The following RAP1GAP2 variants were observed in gnomAD, a reference collection of about 807,000 sequenced individuals.
RAP1GAP2 encodes the protein rap1 GTPase-activating protein 2.
RAP1GAP2 carries 27 observed loss-of-function variants against 95.0 expected under a neutral mutation model. The observed-to-expected ratio is 0.28, with a 90% CI of 0.21 to 0.39. RAP1GAP2 has a LOEUF of 0.39. Ranked by LOEUF, RAP1GAP2 falls within the 10% of genes least tolerant of loss-of-function variation. The pLI is 1.00. For missense variants in RAP1GAP2, 771 were observed against 970.0 expected (o/e 0.79, Z 2.72); for synonymous variants, 373 against 380.9 (o/e 0.98, Z 0.24).
intron 2 of RAP1GAP2, among the ~76,000 whole-genome samples, chr17:2,890,835 C>T (rs192667589): frequency 3.4e-3 from 521 of 152,138 alleles, no homozygotes; most frequent in Middle Eastern, 0.017. Flanking sequence ...CAGGCGCCCG[C>T]CACCACGCCC....
chr17:2,824,697 G>T (rs1204427777), intron 2 of RAP1GAP2, among the ~76,000 whole-genome samples: 2 of 142,342 alleles, frequency 1.4e-5, no homozygotes, highest in African/African-American at 2.6e-5. Context: ...CCGAGATTGC[G>T]CCATTGCACT....
chr17:2,856,793 T>C (rs578146594), intron 2 of RAP1GAP2, among the ~76,000 whole-genome samples: 6 of 152,330 alleles, frequency 3.9e-5, no homozygotes, highest in Non-Finnish European at 7.4e-5. Context: ...ATTGGTGGCC[T>C]TCCTAGCCCC....
intron 2 of RAP1GAP2, among the ~76,000 whole-genome samples, chr17:2,811,656 C>A (rs1281336218): frequency 6.6e-6 from 1 of 152,226 alleles, no homozygotes; most frequent in Non-Finnish European, 1.5e-5. Context: ...TGGTGCATTG[C>A]AACCTCTGCC....
chr17:2,866,725 G>A lies in RAP1GAP2; in HGVS notation c.81-38559G>A, dbSNP rs190544991. ...AGCGATTCTCCTGTCTCAGCCTCCC[G>A]AGTAGCTGGGATTACAGGTGTCCGC... On this transcript the variant is annotated intron_variant, in intron 2 of 24. Coordinates refer to ENST00000254695, the MANE Select transcript of RAP1GAP2 (RefSeq NM_015085.5). The surrounding 1 kb of genome is among the most constrained non-coding windows in gnomAD (Gnocchi z 4.0). 0.02 allele frequency among the ~76,000 whole-genome samples: 2,934 copies of A among 149,108 alleles called. 57 individuals are homozygous for A. The highest frequency in any genetic ancestry group is 0.028 in the Non-Finnish European group (1,917 of 67,420).
chr17:2,772,557 G>C (rs1329253384), upstream of RAP1GAP2, among the ~76,000 whole-genome samples: 1 of 152,032 alleles, frequency 6.6e-6, no homozygotes, highest in African/African-American at 2.4e-5. Context: ...TGCCTCCCAA[G>C]GTGCTGAGAT....
intron 3 of RAP1GAP2, among the ~76,000 whole-genome samples, chr17:2,914,796 T>C (rs545814516): frequency 1.6e-5 from 2 of 127,764 alleles, no homozygotes; most frequent in African/African-American, 3.2e-5. Flanking sequence ...GGCCACTTCT[T>C]TTTTTTTTTT....
At chr17:2,980,228 T>C (rs940960811) in intron 8 of RAP1GAP2, 59 bp from the exon 9 acceptor site, 108 of 1,545,810 alleles carry the variant, frequency 7.0e-5, no homozygotes, top group Non-Finnish European at 8.9e-5. Flanking sequence ...CAGGCACGAG[T>C]CCCCGCGCCC....
At position 3,005,312 on chromosome 17, in the gene RAP1GAP2, T is replaced by C. The variant is rs377411335; in HGVS notation, c.1201-57T>C. On this transcript the variant is annotated intron_variant, in intron 14 of 24. Coordinates refer to ENST00000254695, the MANE Select transcript of RAP1GAP2 (RefSeq NM_015085.5). The surrounding 1 kb of genome is among the most constrained non-coding windows in gnomAD (Gnocchi z 5.2). ...AGCTTTGTAAGGAGCGTGGCTCCCG[T>C]AGGGGCAGCGCTCGTCTCTTCCCTC... 114 of 1,524,344 alleles carry C rather than the reference T, an allele frequency of 7.5e-5. No homozygotes were observed. The African/African-American group carries it at 1.5e-3, about 19-fold the overall frequency. 94.4% of individuals were successfully genotyped at this position (1,524,344 alleles called of 1,614,324 possible). A position where few individuals can be genotyped will look rare whatever the true frequency, so the allele number is the denominator to read the frequency against.
Position 2,889,078 on chromosome 17 carries a change from T to C in RAP1GAP2, c.81-16206T>C, listed in dbSNP as rs117476468. On this transcript the variant is annotated intron_variant, in intron 2 of 24. Coordinates refer to ENST00000254695, the MANE Select transcript of RAP1GAP2 (RefSeq NM_015085.5). ...ATGGCTCTTCAACAGGCTGACTGCCTTTCCCTCAGATATGTACCCTGCAGT... is the reference window on the plus strand; with the variant it reads ...ATGGCTCTTCAACAGGCTGACTGCCCTTCCCTCAGATATGTACCCTGCAGT... Among the ~76,000 whole-genome samples the C allele has an allele frequency of 8.9e-3, 1,357 of 152,272 alleles. 16 individuals are homozygous for C. The highest frequency in any genetic ancestry group is 0.014 in the Non-Finnish European group (944 of 68,022).
At chr17:2,781,961 T>C (rs1355291305) in intron 1 of RAP1GAP2, among the ~76,000 whole-genome samples, 1 of 152,252 alleles carries the variant, frequency 6.6e-6, no homozygotes, top group Non-Finnish European at 1.5e-5. Context: ...TGCATGTCTC[T>C]GTGTGTGCAC....
chr17:2,767,310 T>A (rs2068294164), intron 1 of RAP1GAP2, among the ~76,000 whole-genome samples: 1 of 133,548 alleles, frequency 7.5e-6, no homozygotes, highest in Non-Finnish European at 1.5e-5. Context: ...TGCAGTGAGT[T>A]GAGATCATGC....
At position 3,004,527 on chromosome 17, in the gene RAP1GAP2, G is replaced by A. The variant is rs1567883742; in HGVS notation, c.1201-842G>A. Among the ~76,000 whole-genome samples, 2 of 152,266 alleles carry A rather than the reference G, an allele frequency of 1.3e-5. No homozygotes were observed. Among genetic ancestry groups the A allele is most frequent in the Non-Finnish European group, 2.9e-5 (2 of 68,042 alleles). On this transcript the variant is annotated intron_variant, in intron 14 of 24. Coordinates refer to ENST00000254695, the MANE Select transcript of RAP1GAP2 (RefSeq NM_015085.5). The surrounding 1 kb of genome is among the most constrained non-coding windows in gnomAD (Gnocchi z 4.1). ...ACAGCCTCGTGGGCTGAGAATAGGT[G>A]AAGTCAGGGCACCTCTGTGCAGAGG...
chr17:2,838,748 T>A (rs566277248), intron 2 of RAP1GAP2, among the ~76,000 whole-genome samples: 5 of 152,232 alleles, frequency 3.3e-5, no homozygotes, highest in Non-Finnish European at 7.4e-5. Flanking sequence ...CCGAAACTGA[T>A]CCCCGGAGAG....
chr17:2,917,111 A>T (rs1347107316), intron 3 of RAP1GAP2, among the ~76,000 whole-genome samples: 1 of 151,990 alleles, frequency 6.6e-6, no homozygotes, highest in Non-Finnish European at 1.5e-5. Flanking sequence ...TGGCCACATG[A>T]TCCTGCCTGC....
In RAP1GAP2 at chr17:2,870,216, A is replaced by C. The variant is rs1389420587; in HGVS notation, c.81-35068A>C. Among the ~76,000 whole-genome samples, 1 of 151,750 alleles carries C rather than the reference A, an allele frequency of 6.6e-6. No homozygotes were observed. The highest frequency in any genetic ancestry group is 2.4e-5 in the African/African-American group (1 of 41,282). On this transcript the variant is annotated intron_variant, in intron 2 of 24. Coordinates refer to ENST00000254695, the MANE Select transcript of RAP1GAP2 (RefSeq NM_015085.5). This position sits in a 1 kb window ranked among gnomAD's most constrained non-coding sequence, Gnocchi z 4.4. ...CACTGTAACCTCCCTCCCAAGTTCA[A>C]GTGATTCTCCTTGCCTTAGCCTCCC...
At chr17:2,818,204 G>A (rs968748186) in intron 2 of RAP1GAP2, among the ~76,000 whole-genome samples, 1 of 151,674 alleles carries the variant, frequency 6.6e-6, no homozygotes, top group Non-Finnish European at 1.5e-5. Context: ...GTTAAGTTCC[G>A]GTCATCATTT....
chr17:2,927,903 T>C (rs899638769), intron 3 of RAP1GAP2, among the ~76,000 whole-genome samples: 13 of 152,148 alleles, frequency 8.5e-5, no homozygotes, highest in African/African-American at 3.1e-4. Flanking sequence ...TGATACAGTA[T>C]CAGATGTCCT....
At chr17:2,824,047 C>T (rs1298928069) in intron 2 of RAP1GAP2, among the ~76,000 whole-genome samples, 5 of 149,146 alleles carry the variant, frequency 3.4e-5, no homozygotes, top group African/African-American at 9.9e-5. Flanking sequence ...GGCGTGAACC[C>T]GGGAGGCAGA....
In RAP1GAP2 at chr17:2,965,745, C is replaced by A. The variant is rs553642649; in HGVS notation, c.596+102C>A. ...ACTCAGAAATACCAGACTGACCAGT[C>A]TGGTCTGGGTGCACTGGCTGACGGG... On this transcript the variant is annotated intron_variant, in intron 8 of 24. Coordinates refer to ENST00000254695, the MANE Select transcript of RAP1GAP2 (RefSeq NM_015085.5). The surrounding 1 kb of genome is among the most constrained non-coding windows in gnomAD (Gnocchi z 4.7). The A allele has an allele frequency of 2.4e-4, 218 of 892,630 alleles. 4 individuals are homozygous for A. The South Asian group carries it at 3.1e-3, about 13-fold the overall frequency. 55.3% of individuals were successfully genotyped at this position (892,630 alleles called of 1,614,324 possible). A position where few individuals can be genotyped will look rare whatever the true frequency, so the allele number is the denominator to read the frequency against.
Sources: allele counts gnomAD v4.1 joint callset (sites outside exome capture counted in the v4.1 genomes callset), GRCh38; gene constraint gnomAD v4.1.1; non-coding constraint Gnocchi (gnomAD v3.1); transcripts MANE v1.5; gene names NCBI Gene and HGNC (gene_info 2026-07-23, HGNC 2026-07-21).